Variants in DNA2 observed in about 807,000 individuals in gnomAD.
DNA2 encodes DNA replication ATP-dependent helicase/nuclease DNA2.
DNA2 carries 101 observed loss-of-function variants against 119.1 expected under a neutral mutation model. The observed-to-expected ratio is 0.85, with a 90% CI of 0.72 to 1.00. The LOEUF is 1.00. Ranked by LOEUF, DNA2 falls within the 50% of genes least tolerant of loss-of-function variation. DNA2 has a pLI of 0.00. For synonymous variants in DNA2, 366 were observed against 424.4 expected, an observed-to-expected ratio of 0.86 and a Z score of 1.69; for missense variants, 1,121 against 1,255.5, an observed-to-expected ratio of 0.89 and a Z score of 1.62.
intron 17 of DNA2, among the ~76,000 whole-genome samples, chr10:68,421,695 G>A (rs2051666756): frequency 2.0e-5 from 3 of 152,064 alleles, no homozygotes; most frequent in Admixed American, 6.6e-5. Context: ...GGAAGTTGCA[G>A]TGAGCCGAGA....
chr10:68,427,307 G>T (rs918475822), intron 14 of DNA2, among the ~76,000 whole-genome samples: 1 of 151,536 alleles, frequency 6.6e-6, no homozygotes, highest in South Asian at 2.1e-4. Flanking sequence ...GCAGTAAGCC[G>T]AGTTCACACC....
chr10:68,432,441 A>C lies in DNA2; in HGVS notation c.1716T>G (p.Asp572Glu). ...ATTTGGAAAGATTTCCTAATGGGGT[A>C]TCTATATCACAATTTTTTTCTTCTT... ...LDQEEKNCDI[D>E]TPLGNLSKLM... The change falls in exon 11 of 21, where the codon GAT becomes GAG. Residue 572 changes from aspartate to glutamate, a missense_variant. Asp to Glu is a conservative substitution (Grantham distance 45, BLOSUM62 2). Coordinates refer to ENST00000358410, the MANE Select transcript of DNA2 (RefSeq NM_001080449.3). 6.3e-7 allele frequency: 1 copy of C among 1,597,382 alleles called. No homozygotes were observed.
intron 10 of DNA2, among the ~76,000 whole-genome samples, chr10:68,435,398 C>T (rs559746146): frequency 3.0e-4 from 46 of 151,668 alleles, no homozygotes; most frequent in Non-Finnish European, 6.3e-4. Context: ...TTAGGCCAGG[C>T]GTGGTGGCTC....
Position 68,450,211 on chromosome 10 carries a change from G to A in DNA2, c.756C>T (p.Asn252=). 1 of 1,589,590 alleles carries A rather than the reference G, an allele frequency of 6.3e-7. No individual in the cohort carries two copies. The highest frequency in any genetic ancestry group is 8.6e-7 in the Non-Finnish European group (1 of 1,167,232). ...SDNSKDNSTC[N]IEVVKPMDIE... ...TATCCATTGGTTTCACGACTTCAAT[G>A]TTACATGTTGAATTATCCTTACTAT... Residue 252 remains asparagine, a synonymous_variant, in exon 6 of 21, where the codon AAC becomes AAT. Transcript: ENST00000358410.
chr10:68,426,343 G>T (rs1214108921), intron 14 of DNA2, among the ~76,000 whole-genome samples: 1 of 150,972 alleles, frequency 6.6e-6, no homozygotes, highest in Admixed American at 6.6e-5. Flanking sequence ...TTTGAGACCA[G>T]CCTGGCCAAC....
chr10:68,463,233 A>AGGAGATCG (rs1437113437), intron 4 of DNA2, among the ~76,000 whole-genome samples: 3 of 152,104 alleles, frequency 2.0e-5, no homozygotes, highest in Non-Finnish European at 4.4e-5. Context: ...TCACGAGGTC[A>AGGAGATCG]GGAGATCGGG....
rs2051681654 is a variant in DNA2, at chr10:68,422,717, CA to C, written c.2381del (p.Leu794ArgfsTer3). 6.2e-7 allele frequency: 1 copy of C among 1,612,380 alleles called. No homozygotes were observed. The highest frequency in any genetic ancestry group is 1.3e-5 in the African/African-American group (1 of 74,804). The part of the protein sequence containing the change: ...LVGDHQQLPP[L>X]VLNREARALG... ...CCTACCTTGCTTCACGGTTTAGCAC[CA>C]GGGGAGGAAGCTGCTGATGGTCCCC... On this transcript the variant is annotated frameshift_variant, in exon 15 of 21. Coordinates refer to ENST00000358410, the MANE Select transcript of DNA2 (RefSeq NM_001080449.3). LOFTEE classifies it high-confidence loss of function.
At chr10:68,465,900 C>A in intron 3 of DNA2, 88 bp from the exon 4 acceptor site, 1 of 1,168,322 alleles carries the variant, frequency 8.6e-7, no homozygotes, top group Non-Finnish European at 1.1e-6. Context: ...ACCACCATAG[C>A]CAAAATGCAC....
chr10:68,448,446 C>T (rs2052070648), intron 6 of DNA2, among the ~76,000 whole-genome samples: 1 of 152,132 alleles, frequency 6.6e-6, no homozygotes, highest in South Asian at 2.1e-4. Context: ...AAAGTCAAAT[C>T]TTTTAAGTAG....
At position 68,459,295 on chromosome 10, in the gene DNA2, T is replaced by C. The variant is rs1191189557; in HGVS notation, c.588-60A>G. On this transcript the variant is annotated intron_variant, in intron 4 of 20. Coordinates refer to ENST00000358410, the MANE Select transcript of DNA2 (RefSeq NM_001080449.3). ...TAAGCGGTACCTGCCAAAAATATGATAGCGAATATGAAAGTATAAATATGA... is the reference window on the plus strand; with the variant it reads ...TAAGCGGTACCTGCCAAAAATATGACAGCGAATATGAAAGTATAAATATGA... The C allele has an allele frequency of 2.8e-6, 4 of 1,434,152 alleles. No homozygotes were observed. In the African/African-American group the frequency reaches 4.3e-5, roughly 16 times the overall value. 88.8% of individuals were successfully genotyped at this position (1,434,152 alleles called of 1,614,324 possible).
At chr10:68,470,565 G>A (rs771291222) in intron 1 of DNA2, 29 of 450,488 alleles carry the variant, frequency 6.4e-5, no homozygotes, top group South Asian at 4.1e-4. Context: ...AGTGAGATAC[G>A]ATCATGCTAC....
At chr10:68,463,588 G>A (rs796139529) in intron 4 of DNA2, among the ~76,000 whole-genome samples, 14 of 151,156 alleles carry the variant, frequency 9.3e-5, no homozygotes, top group African/African-American at 3.2e-4. Flanking sequence ...GGAGAATGGC[G>A]TGAACCCAGG....
In DNA2 at chr10:68,422,303, A is replaced by C; in HGVS notation, c.2619T>G (p.Tyr873Ter). Residue 873 changes from tyrosine (Y) to a stop codon, truncating the protein, a stop_gained, in exon 17 of 21, where the codon TAT becomes TAG. Coordinates refer to ENST00000358410, the MANE Select transcript of DNA2 (RefSeq NM_001080449.3). LOFTEE classifies it high-confidence loss of function. The stretch of plus-strand genomic sequence containing the variant: ...ACCAAGGATTATCAGAATAGTCAGC[A>C]TAAAATTCCAGTTCCAGCTTCACAT... The part of the protein sequence containing the change: ...FKDVKLELEF[Y>*]ADYSDNPWLM... 2.5e-6 allele frequency: 4 copies of C among 1,613,936 alleles called. No homozygotes were observed. The highest frequency in any genetic ancestry group is 3.4e-6 in the Non-Finnish European group (4 of 1,179,872).
chr10:68,422,088 C>T (rs2051672828), intron 17 of DNA2, 137 bp downstream of exon 17: 3 of 662,712 alleles, frequency 4.5e-6, no homozygotes, highest in Non-Finnish European at 7.4e-6. Flanking sequence ...GCTGGGATTA[C>T]AGGTGTGAGC....
chr10:68,451,026 G>A (rs1190586373), intron 5 of DNA2, among the ~76,000 whole-genome samples: 1 of 151,468 alleles, frequency 6.6e-6, no homozygotes, highest in Admixed American at 6.6e-5. Flanking sequence ...CTTGAACCCA[G>A]GAGGCGGAGG....
chr10:68,468,342 G>A, intron 2 of DNA2, 36 bp from the exon 3 acceptor site: 3 of 1,375,590 alleles, frequency 2.2e-6, no homozygotes, highest in Non-Finnish European at 2.9e-6. Flanking sequence ...TAAATACATA[G>A]CTTAGGTTCC....
intron 4 of DNA2, among the ~76,000 whole-genome samples, chr10:68,460,908 TA>T (rs34510623): frequency 2.0e-3 from 289 of 143,264 alleles, no homozygotes; most frequent in Non-Finnish European, 2.4e-3. Context: ...AGACCCTGTT[TA>T]AAAAAAAAAA....
intron 10 of DNA2, among the ~76,000 whole-genome samples, chr10:68,433,830 G>A (rs2051852807): frequency 1.3e-5 from 2 of 152,104 alleles, no homozygotes; most frequent in African/African-American, 4.8e-5. Flanking sequence ...TAGAAATAAC[G>A]TAATTACCTG....
intron 14 of DNA2, among the ~76,000 whole-genome samples, chr10:68,427,389 G>A (rs1165827653): frequency 6.6e-6 from 1 of 151,692 alleles, no homozygotes; most frequent in African/African-American, 2.4e-5. Flanking sequence ...GCTGGATGCA[G>A]TGGCTCACAT....
Sources: gnomAD v4.1 joint callset for allele counts (sites outside exome capture counted in the v4.1 genomes callset) on GRCh38, gnomAD v4.1.1 for gene constraint, MANE v1.5 for transcripts, NCBI Gene and HGNC (gene_info 2026-07-23, HGNC 2026-07-21) for gene names.